Variants in NR2C1 observed in about 807,000 individuals in gnomAD.
NR2C1 encodes the protein TR2 nuclear hormone receptor.
In NR2C1, 33 loss-of-function variants were observed where a neutral mutation model predicts 74.8. That is an observed-to-expected ratio of 0.44 (90% confidence interval 0.33 to 0.59). The LOEUF (loss-of-function observed/expected upper bound fraction) is 0.59, where lower values mean the gene tolerates loss of function less well. Among genes scored for constraint, NR2C1 ranks in the 20% least tolerant of loss-of-function variants. The pLI is 0.02. For missense variants in NR2C1, 568 were observed against 715.6 expected (o/e 0.79, Z 2.35); for synonymous variants, 225 against 240.6 (o/e 0.94, Z 0.60).
At chr12:95,044,090 G>A (rs1293700591) in intron 9 of NR2C1, among the ~76,000 whole-genome samples, 1 of 152,020 alleles carries the variant, frequency 6.6e-6, no homozygotes. Context: ...ATATCTTTAG[G>A]TTTATAAATT....
intron 3 of NR2C1, among the ~76,000 whole-genome samples, chr12:95,061,824 AG>A (rs1874826640): frequency 6.6e-6 from 1 of 152,220 alleles, no homozygotes; most frequent in Admixed American, 6.5e-5. Flanking sequence ...ACATAACCAC[AG>A]GCATGTGGTG....
At chr12:95,033,005 A>G (rs1281922148) in intron 10 of NR2C1, among the ~76,000 whole-genome samples, 1 of 152,034 alleles carries the variant, frequency 6.6e-6, no homozygotes, top group Non-Finnish European at 1.5e-5. Context: ...GCTGTGGCAC[A>G]TGCCTATAGT....
Position 95,057,629 on chromosome 12 carries a change from A to G in NR2C1, c.707T>C (p.Leu236Ser), listed in dbSNP as rs1446661240. 6.2e-7 allele frequency: 1 copy of G among 1,613,940 alleles called. No individual in the cohort carries two copies. The highest frequency in any genetic ancestry group is 8.5e-7 in the Non-Finnish European group (1 of 1,179,958). The change falls in exon 7 of 14, where the codon TTA becomes TCA. Residue 236 changes from leucine to serine, a missense_variant. Transcript: ENST00000333003. ...AATATTCATGAACATTCCTGAATCT[A>G]ACAGTCCTGTTGACCTGTAACAAAT... is the stretch of plus-strand genomic sequence containing the variant. ...DSESTRSTGL[L>S]DSGMFMNIHP...
intron 7 of NR2C1, among the ~76,000 whole-genome samples, chr12:95,054,876 A>G (rs904958214): frequency 6.6e-6 from 1 of 152,116 alleles, no homozygotes; most frequent in African/African-American, 2.4e-5. Flanking sequence ...AAAGGTCTCT[A>G]GTTTTCCTAG....
chr12:95,031,023 A>G (rs1870030323), intron 11 of NR2C1: 2 of 710,528 alleles, frequency 2.8e-6, no homozygotes, highest in Non-Finnish European at 4.6e-6. Context: ...AAAATTGCTG[A>G]GTAGTATATG....
Position 95,067,048 on chromosome 12 carries a change from C to A in NR2C1, c.54+283G>T, listed in dbSNP as rs984980521. 25 of 443,508 alleles carry A rather than the reference C, an allele frequency of 5.6e-5. 4 individuals carry two copies. Among genetic ancestry groups the A allele is most frequent in the Admixed American group, 4.6e-4 (11 of 23,838 alleles). The allele number at this position is 443,508 out of a possible 1,614,324, so 27.5% of individuals were successfully genotyped here. On this transcript the variant is annotated intron_variant, in intron 2 of 13. Coordinates refer to ENST00000333003, the MANE Select transcript of NR2C1 (RefSeq NM_003297.4). ...TAAAAAGAATTCCCTCAAAAGCATT[C>A]CTACTCACTCTACAGCTCTTTAATT...
At chr12:95,063,619 T>A (rs866052626) in intron 2 of NR2C1, among the ~76,000 whole-genome samples, 18 of 151,082 alleles carry the variant, frequency 1.2e-4, no homozygotes, top group Middle Eastern at 6.9e-3. Flanking sequence ...GGCAGGAGAA[T>A]CACTTGAGGC....
At position 95,020,578 on chromosome 12, in the gene NR2C1, A is replaced by G. The variant is rs989612515; in HGVS notation, c.*1651T>C. The G allele has an allele frequency of 2.0e-5, 3 of 152,226 alleles. No homozygotes were observed. Among genetic ancestry groups the G allele is most frequent in the African/African-American group, 7.2e-5 (3 of 41,466 alleles). 9.4% of individuals were successfully genotyped at this position (152,226 alleles called of 1,614,324 possible). A position where few individuals can be genotyped will look rare whatever the true frequency, so the allele number is the denominator to read the frequency against. On this transcript the variant is annotated 3_prime_UTR_variant, in exon 14 of 14. Coordinates refer to ENST00000333003, the MANE Select transcript of NR2C1 (RefSeq NM_003297.4). ...GTAAACTGGTAAAGACTGTAAGTTG[A>G]TATTTTCAAACTTTTGATTACTATA...
chr12:95,024,880 G>A (rs1009125206), intron 13 of NR2C1, among the ~76,000 whole-genome samples: 2 of 152,162 alleles, frequency 1.3e-5, no homozygotes, highest in African/African-American at 4.8e-5. Context: ...GACTACTTGG[G>A]TCACAGTCAG....
chr12:95,051,294 C>T (rs548635385), intron 8 of NR2C1, among the ~76,000 whole-genome samples: 3 of 152,130 alleles, frequency 2.0e-5, no homozygotes, highest in Admixed American at 6.6e-5. Flanking sequence ...AGTGTTTATT[C>T]CCTGTCCCCA....
intron 10 of NR2C1, among the ~76,000 whole-genome samples, chr12:95,036,747 G>A (rs1318889280): frequency 6.6e-6 from 1 of 152,134 alleles, no homozygotes; most frequent in Non-Finnish European, 1.5e-5. Context: ...CTGGCCTCAA[G>A]TGATCCGCCT....
intron 10 of NR2C1, among the ~76,000 whole-genome samples, chr12:95,037,559 G>A (rs1342471133): frequency 6.6e-6 from 1 of 152,170 alleles, no homozygotes; most frequent in Non-Finnish European, 1.5e-5. Flanking sequence ...GTTTCTCTCT[G>A]TAAAATTAGG....
chr12:95,041,766 T>A (rs550973533), intron 9 of NR2C1, among the ~76,000 whole-genome samples: 109 of 152,236 alleles, frequency 7.2e-4, no homozygotes, highest in African/African-American at 2.5e-3. Context: ...ATTTTGAAAG[T>A]AAGTACATGC....
intron 7 of NR2C1, among the ~76,000 whole-genome samples, chr12:95,056,861 A>T (rs1776636620): frequency 6.7e-6 from 1 of 149,866 alleles, no homozygotes; most frequent in Non-Finnish European, 1.5e-5. Flanking sequence ...CAGGAGGCTG[A>T]GGCAGGAGAA....
chr12:95,033,210 T>C (rs2136107762), intron 10 of NR2C1, among the ~76,000 whole-genome samples: 1 of 151,388 alleles, frequency 6.6e-6, no homozygotes, highest in East Asian at 1.9e-4. Flanking sequence ...AATTAAGAGA[T>C]TAAGTTTGCC....
intron 12 of NR2C1, chr12:95,026,715 A>C (rs925222261): frequency 1.3e-5 from 2 of 152,210 alleles, no homozygotes; most frequent in Non-Finnish European, 2.9e-5. Flanking sequence ...TGACAGAAAG[A>C]AGCAGGTTTC....
At chr12:95,025,114 AATT>A in intron 13 of NR2C1, 33 bp downstream of exon 13, 2 of 973,194 alleles carry the variant, frequency 2.1e-6, no homozygotes, top group Non-Finnish European at 3.1e-6. Context: ...AAGGTTTTTC[AATT>A]ATTTTAATTA....
chr12:95,025,287 G>A (rs758915527), intron 12 of NR2C1, 32 bp from the exon 13 acceptor site: 4 of 1,090,028 alleles, frequency 3.7e-6, no homozygotes, highest in Non-Finnish European at 5.5e-6. Flanking sequence ...TGGTACCCTA[G>A]TTCTGAATGT....
chr12:95,030,202 A>G (rs1869897315), intron 11 of NR2C1, among the ~76,000 whole-genome samples: 1 of 152,202 alleles, frequency 6.6e-6, no homozygotes, highest in African/African-American at 2.4e-5. Flanking sequence ...TATACCTTTG[A>G]GAAGATAGGA....
Sources: gnomAD v4.1 joint callset for allele counts (sites outside exome capture counted in the v4.1 genomes callset) on GRCh38, gnomAD v4.1.1 for gene constraint, MANE v1.5 for transcripts, NCBI Gene and HGNC (gene_info 2026-07-23, HGNC 2026-07-21) for gene names.